Variants in LRP1B observed in about 807,000 individuals in gnomAD.
LRP1B encodes the protein LDL receptor related protein 1B, also known as low-density lipoprotein receptor-related protein 1B.
LRP1B carries 217 observed loss-of-function variants against 556.6 expected under a neutral mutation model. That is an observed-to-expected ratio of 0.39 (90% CI 0.35 to 0.44). The LOEUF (loss-of-function observed/expected upper bound fraction) is 0.44. LRP1B is among the 20% of genes least tolerant of loss of function. The probability of loss-of-function intolerance (pLI) is 1.00; values close to 1 mark genes in which losing one functional copy is unlikely to be tolerated. For synonymous variants in LRP1B, 2,047 were observed against 1,865.8 expected, an observed-to-expected ratio of 1.10 and a Z score of -2.50; for missense variants, 5,053 against 5,620.8, an observed-to-expected ratio of 0.90 and a Z score of 3.23.
chr2:140,471,710 T>C (rs2105343176), intron 60 of LRP1B, among the ~76,000 whole-genome samples: 1 of 152,290 alleles, frequency 6.6e-6, no homozygotes, highest in East Asian at 1.9e-4. Flanking sequence ...CATGCTGTTG[T>C]CAAATCTAAT....
At chr2:140,517,659 T>A (rs949577363) in intron 49 of LRP1B, among the ~76,000 whole-genome samples, 26 of 151,618 alleles carry the variant, frequency 1.7e-4, no homozygotes, top group African/African-American at 6.3e-4. Flanking sequence ...TGGAGTATTA[T>A]CATTATTTTA....
chr2:141,265,436 G>A (rs1339351439), intron 3 of LRP1B, among the ~76,000 whole-genome samples: 1 of 152,192 alleles, frequency 6.6e-6, no homozygotes, highest in African/African-American at 2.4e-5. Context: ...CCCTCATGCT[G>A]TCCCTGAGGA....
intron 43 of LRP1B, among the ~76,000 whole-genome samples, chr2:140,588,589 G>T (rs149466594): frequency 1.1e-4 from 17 of 152,268 alleles, no homozygotes; most frequent in African/African-American, 4.1e-4. Context: ...TAAATAAATG[G>T]AAAAGAACAG....
At chr2:140,437,588 A>T (rs1340738988) in intron 66 of LRP1B, among the ~76,000 whole-genome samples, 1 of 152,238 alleles carries the variant, frequency 6.6e-6, no homozygotes, top group African/African-American at 2.4e-5. Context: ...TAAGTACATT[A>T]TCTTTACTGT....
At chr2:140,652,430 A>G (rs1164057751) in intron 41 of LRP1B, among the ~76,000 whole-genome samples, 1 of 152,122 alleles carries the variant, frequency 6.6e-6, no homozygotes, top group East Asian at 1.9e-4. Context: ...AGTTTTTTAA[A>G]AAAGCATATT....
At chr2:141,292,973 G>C (rs1390501377) in intron 3 of LRP1B, among the ~76,000 whole-genome samples, 1 of 152,094 alleles carries the variant, frequency 6.6e-6, no homozygotes, top group African/African-American at 2.4e-5. Flanking sequence ...GTCAATAGTA[G>C]GGGAAAGTGG....
intron 1 of LRP1B, among the ~76,000 whole-genome samples, chr2:141,873,678 G>T (rs927241914): frequency 2.0e-5 from 3 of 151,816 alleles, no homozygotes; most frequent in Non-Finnish European, 2.9e-5. Flanking sequence ...AAGAACCAAG[G>T]CTCCTTGAAG....
intron 23 of LRP1B, among the ~76,000 whole-genome samples, chr2:140,900,941 A>G (rs1414160594): frequency 6.6e-6 from 1 of 152,216 alleles, no homozygotes; most frequent in African/African-American, 2.4e-5. Flanking sequence ...GTCTAAGTGA[A>G]AGAAACAAAA....
intron 5 of LRP1B, among the ~76,000 whole-genome samples, chr2:141,244,288 T>C (rs1477064290): frequency 6.6e-6 from 1 of 152,220 alleles, no homozygotes; most frequent in Non-Finnish European, 1.5e-5. Context: ...TTTTATAGTA[T>C]CCTTTCTTTC....
chr2:140,295,553 G>T (rs543789232), intron 84 of LRP1B, among the ~76,000 whole-genome samples: 1 of 152,182 alleles, frequency 6.6e-6, no homozygotes, highest in South Asian at 2.1e-4. Context: ...AAAATTCAAT[G>T]ATATTTAATG....
rs959002708 is a variant in LRP1B, at chr2:142,071,403, T to C, written c.82+59245A>G. On this transcript the variant is annotated intron_variant, in intron 1 of 90. Transcript: ENST00000389484. ...TCATAGGCCAGTGGTCAGCAAATTG[T>C]GACATTTGTGCCATATCTGATCTAC... is the stretch of plus-strand genomic sequence containing the variant. Among the ~76,000 whole-genome samples, 11 of 152,084 alleles carry C rather than the reference T, an allele frequency of 7.2e-5. No individual in the cohort carries two copies. The South Asian group carries it at 2.3e-3, about 32-fold the overall frequency.
intron 46 of LRP1B, among the ~76,000 whole-genome samples, chr2:140,534,389 C>T (rs1185745564): frequency 2.0e-5 from 3 of 151,900 alleles, no homozygotes; most frequent in Non-Finnish European, 4.4e-5. Flanking sequence ...CAAGTTATAC[C>T]CACGTTATTG....
intron 2 of LRP1B, among the ~76,000 whole-genome samples, chr2:141,481,273 A>G (rs533214600): frequency 5.3e-5 from 8 of 152,286 alleles, no homozygotes; most frequent in African/African-American, 1.7e-4. Flanking sequence ...ATCTTTATCA[A>G]GCATCCAAAT....
rs575346125 is a variant in LRP1B at position 141,091,539 on chromosome 2, C to T, written c.1014-29266G>A. On this transcript the variant is annotated intron_variant, in intron 7 of 90. Coordinates refer to ENST00000389484, the MANE Select transcript of LRP1B (RefSeq NM_018557.3). ...TCCTCCCACATTCCAAAGTTGTGCA[C>T]GTGAGGTGACTTGGCATGTCTAAAT... is the stretch of plus-strand genomic sequence containing the variant. Among the ~76,000 whole-genome samples, 246 of 152,136 alleles carry T rather than the reference C, an allele frequency of 1.6e-3. 2 individuals carry two copies. In the South Asian group the frequency reaches 0.023, roughly 14 times the overall value.
intron 2 of LRP1B, among the ~76,000 whole-genome samples, chr2:141,766,146 G>A (rs1694725175): frequency 6.6e-6 from 1 of 152,250 alleles, no homozygotes; most frequent in East Asian, 1.9e-4. Context: ...AGAAAGGATT[G>A]TCAAGAAATA....
intron 1 of LRP1B, among the ~76,000 whole-genome samples, chr2:142,127,537 C>G (rs1354389318): frequency 1.3e-5 from 2 of 151,834 alleles, no homozygotes; most frequent in Non-Finnish European, 2.9e-5. Flanking sequence ...TTTCCATTTT[C>G]TCTTTTCTCT....
At chr2:140,619,487 A>G (rs1024700909) in intron 41 of LRP1B, among the ~76,000 whole-genome samples, 1 of 152,194 alleles carries the variant, frequency 6.6e-6, no homozygotes, top group Non-Finnish European at 1.5e-5. Flanking sequence ...TCAAAACCAG[A>G]TGAAACTCAG....
In LRP1B at chr2:140,598,683, T is replaced by A. The variant is rs779452767; in HGVS notation, c.7142A>T (p.Asp2381Val). 7 of 1,613,680 alleles carry A rather than the reference T, an allele frequency of 4.3e-6. No homozygotes were observed. The highest frequency in any genetic ancestry group is 1.6e-4 in the Middle Eastern group (1 of 6,080). ...CCTTTCAATTTTTCCTAGACTGCCA[T>A]CTGAGAAATACAGCTTCTCTGCACG... ...DYRAEKLYFSDGSLGKIERCE... is the reference protein window; with the variant it reads ...DYRAEKLYFSVGSLGKIERCE... The change falls in exon 43 of 91, where the codon GAT becomes GTT. Residue 2381 changes from aspartate to valine, a missense_variant. This residue lies in a region of LRP1B where 3,619 missense variants were observed against 3,931.9 expected (regional missense o/e 0.92). Coordinates refer to ENST00000389484, the MANE Select transcript of LRP1B (RefSeq NM_018557.3).
chr2:141,882,603 G>C (rs1698990655), intron 1 of LRP1B, among the ~76,000 whole-genome samples: 1 of 152,192 alleles, frequency 6.6e-6, no homozygotes, highest in Admixed American at 6.5e-5. Flanking sequence ...TTAGCTGCCA[G>C]AGAATGAGTT....
Sources: allele counts gnomAD v4.1 joint callset (sites outside exome capture counted in the v4.1 genomes callset), GRCh38; gene constraint gnomAD v4.1.1; regional missense constraint gnomAD v4.1.1; transcripts MANE v1.5; gene names NCBI Gene and HGNC (gene_info 2026-07-23, HGNC 2026-07-21).